The following CFAP54 variants were observed in gnomAD, a reference collection of about 807,000 sequenced individuals.
The protein encoded by CFAP54 is cilia and flagella associated protein 54.
A neutral mutation model predicts 370.4 loss-of-function variants in CFAP54; 290 were observed. That is an observed-to-expected ratio of 0.78 (90% CI 0.71 to 0.86). CFAP54 has a LOEUF of 0.86. CFAP54 is among the 40% of genes least tolerant of loss of function. The pLI, the probability that CFAP54 is intolerant of heterozygous loss-of-function variation, is 0.00. For synonymous variants in CFAP54, 1,206 were observed against 1,236.5 expected, an observed-to-expected ratio of 0.98 and a Z score of 0.52; for missense variants, 3,399 against 3,528.7, an observed-to-expected ratio of 0.96 and a Z score of 0.93.
intron 24 of CFAP54, among the ~76,000 whole-genome samples, chr12:96,593,536 A>G (rs1956147045): frequency 6.6e-6 from 1 of 152,176 alleles, no homozygotes; most frequent in Non-Finnish European, 1.5e-5. Flanking sequence ...AATTGCCTTC[A>G]GTTTCTTCTT....
intron 26 of CFAP54, among the ~76,000 whole-genome samples, chr12:96,607,201 G>A (rs890640570): frequency 2.0e-5 from 3 of 151,498 alleles, no homozygotes; most frequent in Non-Finnish European, 2.9e-5. Context: ...GGGAACATAA[G>A]CCATTAGCAG....
intron 55 of CFAP54, among the ~76,000 whole-genome samples, 185 bp downstream of exon 55, chr12:96,744,331 T>A (rs1592737894): frequency 6.6e-6 from 1 of 152,226 alleles, no homozygotes; most frequent in African/African-American, 2.4e-5. Context: ...ATAGATGGTC[T>A]TTATATATGA....
intron 50 of CFAP54, among the ~76,000 whole-genome samples, chr12:96,734,570 A>G (rs1339587804): frequency 6.6e-6 from 1 of 152,190 alleles, no homozygotes; most frequent in Non-Finnish European, 1.5e-5. Flanking sequence ...TATCATCATT[A>G]CTGCTTTATA....
intron 47 of CFAP54, among the ~76,000 whole-genome samples, chr12:96,707,266 T>A (rs1957557009): frequency 1.3e-5 from 2 of 151,988 alleles, no homozygotes; most frequent in African/African-American, 4.8e-5. Context: ...AACTTGAATT[T>A]TTTTTTTCAC....
intron 66 of CFAP54, 119 bp downstream of exon 66, chr12:96,829,207 G>T (rs1959161155): frequency 2.0e-6 from 1 of 497,436 alleles, no homozygotes; most frequent in East Asian, 3.1e-5. Context: ...TTATTAATGT[G>T]AAAAAGTGAT....
At chr12:96,512,169 T>G (rs1188266638) in intron 4 of CFAP54, among the ~76,000 whole-genome samples, 1 of 150,552 alleles carries the variant, frequency 6.6e-6, no homozygotes, top group African/African-American at 2.5e-5. Context: ...TGCCCTGTTA[T>G]GCATTATGAT....
intron 32 of CFAP54, among the ~76,000 whole-genome samples, chr12:96,639,918 G>A (rs1259792839): frequency 1.3e-5 from 2 of 152,156 alleles, no homozygotes; most frequent in African/African-American, 2.4e-5. Context: ...AGGTATTGAT[G>A]GGACGTATCT....
chr12:96,753,794 C>T lies in CFAP54; in HGVS notation c.7736C>T (p.Ser2579Leu), dbSNP rs183542423. Residue 2579 changes from serine (S) to leucine (L), a missense_variant, in exon 56 of 68, where the codon TCG becomes TTG. By Grantham distance (145) the Ser-to-Leu change is moderately radical. Coordinates refer to ENST00000524981, the MANE Select transcript of CFAP54 (RefSeq NM_001306084.2). ...TACAAGAATAAAAGGAAGGACCCCTCGAAGTGGTTACCTGCTCTTCATCTG... is the reference window on the plus strand; with the variant it reads ...TACAAGAATAAAAGGAAGGACCCCTTGAAGTGGTTACCTGCTCTTCATCTG... ...VYYKNKRKDP[S>L]KWLPALHLFD... The T allele has an allele frequency of 5.3e-5, 86 of 1,613,960 alleles. No homozygotes were observed. In the East Asian group the frequency reaches 1.7e-3, roughly 31 times the overall value.
chr12:96,779,062 G>A (rs60484659), intron 60 of CFAP54, among the ~76,000 whole-genome samples: 4,029 of 148,096 alleles, frequency 0.027, 184 homozygotes, highest in African/African-American at 0.093. Flanking sequence ...AGCTGAGATC[G>A]TGCCATCGCA....
chr12:96,657,747 C>A, intron 36 of CFAP54, 135 bp from the exon 37 acceptor site: 1 of 680,022 alleles, frequency 1.5e-6, no homozygotes, highest in Non-Finnish European at 2.5e-6. Context: ...CAAGCTTTGA[C>A]TTGCATAAGA....
chr12:96,769,456 C>T (rs906782010), intron 60 of CFAP54, among the ~76,000 whole-genome samples: 3 of 152,126 alleles, frequency 2.0e-5, no homozygotes, highest in Admixed American at 6.5e-5. Context: ...GCTGAAAGAA[C>T]GTTCGGGGGG....
intron 67 of CFAP54, among the ~76,000 whole-genome samples, chr12:96,869,488 T>C (rs1022133384): frequency 6.6e-6 from 1 of 152,068 alleles, no homozygotes; most frequent in East Asian, 1.9e-4. Context: ...AATTCAAAAG[T>C]AGAGAAAAGA....
Position 96,522,090 on chromosome 12 carries a change from G to T in CFAP54, c.1059G>T (p.Met353Ile). ...RRYFREATMK[M>I]AVMIFKRGVF... is the part of the protein sequence containing the mutation. ...TATAATTCTGCTTTTTGAGGCAGAT[G>T]GCAGTGATGATCTTCAAAAGAGGAG... Residue 353 changes from methionine (M) to isoleucine (I), a missense_variant and splice_region_variant, in exon 8 of 68, where the codon ATG becomes ATT. Met to Ile is a conservative substitution (Grantham distance 10). This residue lies in a region of CFAP54 where 559 missense variants were observed against 576.7 expected (regional missense o/e 0.97). Coordinates refer to ENST00000524981, the MANE Select transcript of CFAP54 (RefSeq NM_001306084.2). 2 of 1,534,946 alleles carry T rather than the reference G, an allele frequency of 1.3e-6. No individual in the cohort carries two copies. The highest frequency in any genetic ancestry group is 8.7e-7 in the Non-Finnish European group (1 of 1,146,498).
chr12:96,648,740 C>T (rs892693612), intron 34 of CFAP54, among the ~76,000 whole-genome samples: 1 of 151,948 alleles, frequency 6.6e-6, no homozygotes, highest in African/African-American at 2.4e-5. Flanking sequence ...AGGCACGTGC[C>T]ACCGCGCCTG....
chr12:96,710,870 A>C (rs543525174), intron 48 of CFAP54, among the ~76,000 whole-genome samples: 1 of 152,160 alleles, frequency 6.6e-6, no homozygotes, highest in Non-Finnish European at 1.5e-5. Context: ...CATGTTGGCC[A>C]GGCTGGTCTT....
chr12:96,783,289 A>T (rs1449850830), intron 60 of CFAP54, among the ~76,000 whole-genome samples: 1 of 152,218 alleles, frequency 6.6e-6, no homozygotes, highest in Non-Finnish European at 1.5e-5. Context: ...AGATACTCCC[A>T]AAGTACTGGG....
intron 67 of CFAP54, among the ~76,000 whole-genome samples, chr12:96,870,953 C>G (rs1305212923): frequency 6.6e-6 from 1 of 152,210 alleles, no homozygotes; most frequent in Admixed American, 6.5e-5. Context: ...CACACCTCAT[C>G]TTGCAAAATA....
intron 46 of CFAP54, among the ~76,000 whole-genome samples, chr12:96,701,750 T>G (rs1471006494): frequency 6.6e-6 from 1 of 151,674 alleles, no homozygotes; most frequent in Non-Finnish European, 1.5e-5. Context: ...GAAAACCAAG[T>G]AGGCAAAGTG....
intron 60 of CFAP54, among the ~76,000 whole-genome samples, chr12:96,770,268 C>A (rs1416902292): frequency 1.3e-5 from 2 of 151,820 alleles, no homozygotes; most frequent in African/African-American, 4.8e-5. Flanking sequence ...TGGGTCATGA[C>A]AAGGACCAGC....
Sources: allele counts gnomAD v4.1 joint callset (sites outside exome capture counted in the v4.1 genomes callset), GRCh38; gene constraint gnomAD v4.1.1; regional missense constraint gnomAD v4.1.1; transcripts MANE v1.5; gene names NCBI Gene and HGNC (gene_info 2026-07-23, HGNC 2026-07-21).